The following SNX29 variants were observed in gnomAD, a reference collection of about 807,000 sequenced individuals.
SNX29 encodes sorting nexin-29.
SNX29 carries 78 observed loss-of-function variants against 102.1 expected under a neutral mutation model. That is an observed-to-expected ratio of 0.76 (90% CI 0.64 to 0.92). The LOEUF (loss-of-function observed/expected upper bound fraction) is 0.92. SNX29 is among the 40% of genes least tolerant of loss of function. The probability of loss-of-function intolerance (pLI) is 0.00; values close to 1 mark genes in which losing one functional copy is unlikely to be tolerated. For missense variants in SNX29, 1,280 were observed against 1,061.7 expected, an observed-to-expected ratio of 1.21 and a Z score of -2.86; for synonymous variants, 580 against 414.5, an observed-to-expected ratio of 1.40 and a Z score of -4.85.
Position 12,409,459 on chromosome 16 carries a change from C to T in SNX29, c.2037+5930C>T, listed in dbSNP as rs192979780. On this transcript the variant is annotated intron_variant, in intron 18 of 20. Transcript: ENST00000566228. ...TTTTTTTTTTTTTGAGACGGAGTCT[C>T]GCTCTGTTACCCAGGCTGGAGTGAA... Among the ~76,000 whole-genome samples, 157 of 126,244 alleles carry T rather than the reference C, an allele frequency of 1.2e-3. 1 individual carries two copies. Among genetic ancestry groups the T allele is most frequent in the Non-Finnish European group, 1.9e-3 (121 of 64,166 alleles). The allele number at this position is 126,244 out of a possible 152,430, so 82.8% of individuals were successfully genotyped here. A position where few individuals can be genotyped will look rare whatever the true frequency, so the allele number is the denominator to read the frequency against.
chr16:12,090,820 G>T (rs979155162), intron 11 of SNX29, among the ~76,000 whole-genome samples: 1 of 151,958 alleles, frequency 6.6e-6, no homozygotes, highest in Non-Finnish European at 1.5e-5. Context: ...TTCAAGACCA[G>T]CCTGGCCAAC....
At chr16:12,105,155 G>T (rs2053177831) in intron 11 of SNX29, among the ~76,000 whole-genome samples, 1 of 152,122 alleles carries the variant, frequency 6.6e-6, no homozygotes, top group African/African-American at 2.4e-5. Context: ...ACCCAAAAAT[G>T]AGGCCAGACT....
At chr16:12,147,497 A>G (rs1282024079) in intron 13 of SNX29, among the ~76,000 whole-genome samples, 1 of 152,192 alleles carries the variant, frequency 6.6e-6, no homozygotes, top group Non-Finnish European at 1.5e-5. Flanking sequence ...GAGAGAAAGA[A>G]AAATAGCAGA....
rs1320788131 is a variant in SNX29, at chr16:12,181,578, G to C, written c.1596-18023G>C. On this transcript the variant is annotated intron_variant, in intron 13 of 20. Coordinates refer to ENST00000566228, the MANE Select transcript of SNX29 (RefSeq NM_032167.5). ...CAGCTTGACTTTTCCCTTTAGCTTA[G>C]TGATATGGGGGCCCCAAGATTTCTT... is the stretch of plus-strand genomic sequence containing the variant. 2.6e-5 allele frequency among the ~76,000 whole-genome samples: 4 copies of C among 152,122 alleles called. No homozygotes were observed. In the East Asian group the frequency reaches 7.7e-4, roughly 29 times the overall value.
chr16:12,231,012 G>A (rs1567337162), intron 14 of SNX29, among the ~76,000 whole-genome samples: 2 of 150,870 alleles, frequency 1.3e-5, no homozygotes, highest in Admixed American at 1.3e-4. Context: ...CACCACACCC[G>A]GCTAATTTTA....
chr16:12,416,203 C>T (rs1285217400), intron 18 of SNX29, among the ~76,000 whole-genome samples: 1 of 152,056 alleles, frequency 6.6e-6, no homozygotes, highest in East Asian at 1.9e-4. Context: ...CCTTAAACGT[C>T]GAGTCCCTCT....
chr16:12,279,611 A>G (rs1298990640), intron 15 of SNX29, among the ~76,000 whole-genome samples: 3 of 152,296 alleles, frequency 2.0e-5, no homozygotes, highest in South Asian at 4.1e-4. Context: ...GGAAGTCCCA[A>G]GTGGAGAGGG....
intron 18 of SNX29, among the ~76,000 whole-genome samples, chr16:12,416,004 C>T (rs1381612317): frequency 6.6e-6 from 1 of 152,056 alleles, no homozygotes; most frequent in Non-Finnish European, 1.5e-5. Flanking sequence ...GTGGCCAGGG[C>T]CGTACTGTCA....
At chr16:12,133,176 G>C (rs2054533043) in intron 13 of SNX29, among the ~76,000 whole-genome samples, 1 of 152,000 alleles carries the variant, frequency 6.6e-6, no homozygotes, top group African/African-American at 2.4e-5. Context: ...TATGGTCCAG[G>C]TGCCTGCCTT....
intron 11 of SNX29, among the ~76,000 whole-genome samples, chr16:12,092,285 A>AGAAGGAAG (rs35344440): frequency 9.6e-4 from 145 of 151,574 alleles, no homozygotes; most frequent in South Asian, 1.2e-3. Context: ...AGACATTTAA[A>AGAAGGAAG]GAAGGAAGGA....
chr16:11,981,359 C>T (rs2055409054), intron 1 of SNX29, among the ~76,000 whole-genome samples: 1 of 152,036 alleles, frequency 6.6e-6, no homozygotes, highest in African/African-American at 2.4e-5. Context: ...CTGCCTCAGC[C>T]TCCCAAAGTG....
intron 20 of SNX29, among the ~76,000 whole-genome samples, chr16:12,533,603 C>G (rs985749078): frequency 6.6e-6 from 1 of 152,198 alleles, no homozygotes; most frequent in Non-Finnish European, 1.5e-5. Flanking sequence ...AGGGAGGAGA[C>G]ACCCCGCTAC....
At chr16:12,427,872 A>C (rs940547241) in intron 18 of SNX29, among the ~76,000 whole-genome samples, 2 of 152,244 alleles carry the variant, frequency 1.3e-5, no homozygotes, top group Non-Finnish European at 2.9e-5. Flanking sequence ...TCTGAGGGCA[A>C]GTTCCCAGAG....
chr16:12,527,074 C>T (rs547989215), intron 20 of SNX29: 1 of 436,906 alleles, frequency 2.3e-6, no homozygotes, highest in African/African-American at 2.0e-5. Context: ...GGTCTAGACC[C>T]CAGTTGAAAT....
At chr16:12,551,089 TTTGC>T (rs1300373206) in intron 20 of SNX29, among the ~76,000 whole-genome samples, 3 of 152,142 alleles carry the variant, frequency 2.0e-5, no homozygotes, top group African/African-American at 7.2e-5. Context: ...TGATCCTCTC[TTTGC>T]TTGGATGAAA....
intron 8 of SNX29, among the ~76,000 whole-genome samples, chr16:12,057,015 C>T (rs1186933042): frequency 6.6e-6 from 1 of 151,984 alleles, no homozygotes; most frequent in Admixed American, 6.6e-5. Flanking sequence ...GGTCTCAAGG[C>T]ATTGCTCAGG....
intron 19 of SNX29, among the ~76,000 whole-genome samples, chr16:12,491,188 G>A (rs74621173): frequency 0.031 from 4,753 of 152,278 alleles, 246 homozygotes; most frequent in African/African-American, 0.11. Flanking sequence ...CATTTAGGTC[G>A]TTTGCAATTT....
intron 15 of SNX29, among the ~76,000 whole-genome samples, chr16:12,336,788 T>A (rs2081464612): frequency 6.6e-6 from 1 of 152,042 alleles, no homozygotes; most frequent in South Asian, 2.1e-4. Context: ...CTACTAAAAT[T>A]GAAAAAAATT....
At chr16:12,320,053 C>T (rs955277513) in intron 15 of SNX29, among the ~76,000 whole-genome samples, 2 of 152,204 alleles carry the variant, frequency 1.3e-5, no homozygotes, top group South Asian at 2.1e-4. Context: ...GGAGCTGCCA[C>T]CTCTCTGCAG....
Sources: gnomAD v4.1 joint callset for allele counts (sites outside exome capture counted in the v4.1 genomes callset) on GRCh38, gnomAD v4.1.1 for gene constraint, MANE v1.5 for transcripts, NCBI Gene and HGNC (gene_info 2026-07-23, HGNC 2026-07-21) for gene names.